The following OPCML variants were observed in gnomAD, a reference collection of about 807,000 sequenced individuals.
OPCML encodes the protein opioid binding protein/cell adhesion molecule like.
In OPCML, 13 loss-of-function variants were observed where a neutral mutation model predicts 37.8. The ratio of observed to expected loss-of-function variants is 0.34; its 90% CI spans 0.22 to 0.55. The LOEUF is 0.55. OPCML is among the 20% of genes least tolerant of loss of function. OPCML has a pLI of 0.91. For synonymous variants in OPCML, 176 were observed against 168.8 expected (o/e 1.04, Z -0.33); for missense variants, 341 against 435.6 (o/e 0.78, Z 1.93).
chr11:132,939,981 A>G (rs1422874050), intron 2 of OPCML, among the ~76,000 whole-genome samples: 2 of 152,216 alleles, frequency 1.3e-5, no homozygotes, highest in Non-Finnish European at 2.9e-5. Context: ...CAAGAGGGCA[A>G]AATAACTCAA....
At position 132,782,923 on chromosome 11, in the gene OPCML, A is replaced by G. The variant is rs996004916; in HGVS notation, c.147-125604T>C. Reference sequence around the variant, plus strand: ...TAATATATATATAGTGTGTGTATATATATATATATATATATATATATATGT... The same window carrying G: ...TAATATATATATAGTGTGTGTATATGTATATATATATATATATATATATGT... On this transcript the variant is annotated intron_variant, in intron 2 of 7. Transcript: ENST00000524381. Among the ~76,000 whole-genome samples the G allele has an allele frequency of 8.3e-3, 1,190 of 143,388 alleles. 10 individuals are homozygous for G. The highest frequency in any genetic ancestry group is 0.029 in the African/African-American group (1,112 of 38,708). The allele number at this position is 143,388 out of a possible 152,430, so 94.1% of individuals were successfully genotyped here.
At chr11:132,552,546 A>T (rs2096384256) in intron 3 of OPCML, among the ~76,000 whole-genome samples, 2 of 152,090 alleles carry the variant, frequency 1.3e-5, no homozygotes. Flanking sequence ...TAATGCCATC[A>T]CCCAATGCAT....
intron 1 of OPCML, among the ~76,000 whole-genome samples, chr11:133,516,777 G>A (rs1216057695): frequency 1.3e-5 from 2 of 152,112 alleles, no homozygotes; most frequent in East Asian, 3.9e-4. Context: ...CCTGTCCTTG[G>A]CCTTTTCTTC....
intron 1 of OPCML, among the ~76,000 whole-genome samples, chr11:133,444,719 T>C (rs139764195): frequency 0.013 from 2,012 of 152,294 alleles, 57 homozygotes; most frequent in African/African-American, 0.046. Flanking sequence ...TCAAATTGCC[T>C]AATAACATTT....
At chr11:133,253,830 A>ATTACCTTCCC (rs1941226978) in intron 1 of OPCML, among the ~76,000 whole-genome samples, 2 of 71,924 alleles carry the variant, frequency 2.8e-5, no homozygotes, top group South Asian at 1.1e-3. Context: ...CTTCCCTTCC[A>ATTACCTTCCC]TTCCCTTCCC....
At chr11:133,188,362 T>C (rs1215972550) in intron 1 of OPCML, among the ~76,000 whole-genome samples, 1 of 152,186 alleles carries the variant, frequency 6.6e-6, no homozygotes, top group Non-Finnish European at 1.5e-5. Context: ...ATAAATTCAT[T>C]TTCTTATTTA....
At chr11:132,483,515 C>T (rs1481666119) in intron 4 of OPCML, among the ~76,000 whole-genome samples, 1 of 152,060 alleles carries the variant, frequency 6.6e-6, no homozygotes, top group South Asian at 2.1e-4. Flanking sequence ...AGATTCAATG[C>T]CGTCCCCATC....
intron 1 of OPCML, among the ~76,000 whole-genome samples, chr11:133,012,180 T>C (rs2136877660): frequency 6.6e-6 from 1 of 152,224 alleles, no homozygotes; most frequent in East Asian, 1.9e-4. Context: ...GGGTTTGAGG[T>C]TAGGGATGAA....
intron 3 of OPCML, among the ~76,000 whole-genome samples, chr11:132,634,283 A>G (rs2135703039): frequency 6.6e-6 from 1 of 152,318 alleles, no homozygotes. Flanking sequence ...TGTTAGTGTT[A>G]TGGATGGTGG....
At chr11:133,404,889 T>C (rs1592270069) in intron 1 of OPCML, among the ~76,000 whole-genome samples, 2 of 152,334 alleles carry the variant, frequency 1.3e-5, no homozygotes, top group East Asian at 3.9e-4. Flanking sequence ...ATAATATCAA[T>C]GCAATGTCTT....
At chr11:132,645,014 A>T (rs889522428) in intron 3 of OPCML, among the ~76,000 whole-genome samples, 4 of 152,226 alleles carry the variant, frequency 2.6e-5, no homozygotes, top group African/African-American at 9.6e-5. Flanking sequence ...GGCCAATCGG[A>T]GCACATAATC....
chr11:133,135,822 G>A (rs922318030), intron 1 of OPCML, among the ~76,000 whole-genome samples: 2 of 152,172 alleles, frequency 1.3e-5, no homozygotes, highest in Admixed American at 6.5e-5. Context: ...GGAACCAAAA[G>A]TAGGCTTCTT....
chr11:132,454,446 G>A (rs2096076283), intron 4 of OPCML, among the ~76,000 whole-genome samples: 1 of 152,204 alleles, frequency 6.6e-6, no homozygotes, highest in African/African-American at 2.4e-5. Context: ...GCTTCAGTGG[G>A]CTAATATCTC....
chr11:133,481,444 A>AAAAT (rs373209430), intron 1 of OPCML, among the ~76,000 whole-genome samples: 1,686 of 150,184 alleles, frequency 0.011, 14 homozygotes, highest in South Asian at 0.018. Context: ...CCCAGTTAAA[A>AAAAT]AAATAAATAA....
At chr11:132,499,925 A>G (rs1345044396) in intron 4 of OPCML, among the ~76,000 whole-genome samples, 3 of 152,202 alleles carry the variant, frequency 2.0e-5, no homozygotes, top group African/African-American at 7.2e-5. Context: ...GGCATATAGT[A>G]CATGAAGAAC....
At chr11:133,301,719 T>G (rs1457703396) in intron 1 of OPCML, 1 of 152,068 alleles carries the variant, frequency 6.6e-6, no homozygotes, top group Admixed American at 6.6e-5. Context: ...TCCTTCAGAG[T>G]AAATGTCTGC....
intron 1 of OPCML, among the ~76,000 whole-genome samples, chr11:133,366,985 C>CTTTTTTTTT (rs1005265342): frequency 2.0e-5 from 3 of 151,364 alleles, no homozygotes; most frequent in African/African-American, 7.3e-5. Context: ...AATGCACTTT[C>CTTTTTTTTT]TTTTTTTTTG....
chr11:133,200,376 T>C (rs2136318237), intron 1 of OPCML, among the ~76,000 whole-genome samples: 1 of 152,342 alleles, frequency 6.6e-6, no homozygotes, highest in Admixed American at 6.5e-5. Flanking sequence ...TCATTGTTTT[T>C]CCCTCTGATT....
At chr11:132,523,130 C>T (rs2096298392) in intron 4 of OPCML, among the ~76,000 whole-genome samples, 1 of 152,190 alleles carries the variant, frequency 6.6e-6, no homozygotes, top group African/African-American at 2.4e-5. Flanking sequence ...TGATCTTGAA[C>T]TCCTGACCTC....
Sources: allele counts gnomAD v4.1 joint callset (sites outside exome capture counted in the v4.1 genomes callset), GRCh38; gene constraint gnomAD v4.1.1; transcripts MANE v1.5; gene names NCBI Gene and HGNC (gene_info 2026-07-23, HGNC 2026-07-21).